The following SYN3 variants were observed in gnomAD, a reference collection of about 807,000 sequenced individuals.
The protein encoded by SYN3 is synapsin-3.
Under a neutral mutation model 65.8 loss-of-function variants are expected in SYN3, and 35 were observed. The ratio of observed to expected loss-of-function variants is 0.53; its 90% CI spans 0.41 to 0.70. The LOEUF is 0.70. Ranked by LOEUF, SYN3 falls within the 30% of genes least tolerant of loss-of-function variation. The pLI, the probability that SYN3 is intolerant of heterozygous loss-of-function variation, is 0.00. For missense variants in SYN3, 680 were observed against 749.0 expected (o/e 0.91, Z 1.08); for synonymous variants, 270 against 292.9 (o/e 0.92, Z 0.80).
intron 6 of SYN3, among the ~76,000 whole-genome samples, chr22:32,796,109 A>C (rs2046422529): frequency 6.6e-6 from 1 of 152,254 alleles, no homozygotes; most frequent in Non-Finnish European, 1.5e-5. Flanking sequence ...CACGGGCATA[A>C]GGAAGACATT....
chr22:32,721,208 G>C (rs906356835), intron 6 of SYN3, among the ~76,000 whole-genome samples: 1 of 152,202 alleles, frequency 6.6e-6, no homozygotes, highest in Non-Finnish European at 1.5e-5. Context: ...TGGAGCTCCC[G>C]GTGGTGGGCA....
intron 7 of SYN3, among the ~76,000 whole-genome samples, chr22:32,592,676 T>C (rs1490398678): frequency 6.6e-6 from 1 of 152,192 alleles, no homozygotes; most frequent in Non-Finnish European, 1.5e-5. Context: ...GGCCATGCAC[T>C]TTTCTTTCTA....
At chr22:32,567,351 TC>T (rs2058686902) in intron 7 of SYN3, among the ~76,000 whole-genome samples, 2 of 36,036 alleles carry the variant, frequency 5.6e-5, no homozygotes, top group African/African-American at 1.0e-4. Context: ...CCTCCCTCCC[TC>T]CCTTCTTTCC....
intron 6 of SYN3, among the ~76,000 whole-genome samples, chr22:32,762,562 T>G (rs1318536667): frequency 6.6e-6 from 1 of 152,238 alleles, no homozygotes; most frequent in East Asian, 1.9e-4. Flanking sequence ...TATTTCAGCT[T>G]TGGTGTATTA....
intron 3 of SYN3, among the ~76,000 whole-genome samples, chr22:32,951,398 C>G (rs945064593): frequency 6.6e-6 from 1 of 152,208 alleles, no homozygotes. Context: ...AATTTCCTTG[C>G]TTATTCTTCC....
intron 6 of SYN3, among the ~76,000 whole-genome samples, chr22:32,606,659 C>T (rs907678191): frequency 6.6e-6 from 1 of 152,134 alleles, no homozygotes; most frequent in African/African-American, 2.4e-5. Flanking sequence ...CCTCTCTGGC[C>T]CAGGCTCAGT....
intron 12 of SYN3, among the ~76,000 whole-genome samples, chr22:32,523,074 G>A (rs2057914188): frequency 6.6e-6 from 1 of 152,216 alleles, no homozygotes; most frequent in Middle Eastern, 3.2e-3. Flanking sequence ...CTCATGTGGT[G>A]TCTGTGCCTC....
At chr22:32,747,712 C>T (rs1431694843) in intron 6 of SYN3, among the ~76,000 whole-genome samples, 1 of 152,188 alleles carries the variant, frequency 6.6e-6, no homozygotes, top group Non-Finnish European at 1.5e-5. Context: ...TAATTCTTTA[C>T]ACCAAAGCAA....
At chr22:32,556,684 C>G (rs2146328161) in intron 7 of SYN3, among the ~76,000 whole-genome samples, 1 of 152,078 alleles carries the variant, frequency 6.6e-6, no homozygotes, top group South Asian at 2.1e-4. Flanking sequence ...GGGAAAAAAG[C>G]CTGACTGCTC....
intron 6 of SYN3, among the ~76,000 whole-genome samples, chr22:32,627,785 C>A (rs547367595): frequency 6.6e-6 from 1 of 152,164 alleles, no homozygotes; most frequent in South Asian, 2.1e-4. Context: ...CTTGAAGAAG[C>A]TCCACCTGTA....
intron 4 of SYN3, among the ~76,000 whole-genome samples, chr22:32,879,223 A>C (rs954285566): frequency 6.6e-6 from 1 of 152,194 alleles, no homozygotes; most frequent in African/African-American, 2.4e-5. Flanking sequence ...CAGGGAGGTA[A>C]AGTTTCATGG....
At chr22:32,604,610 G>A (rs1361316208) in intron 6 of SYN3, among the ~76,000 whole-genome samples, 1 of 114,488 alleles carries the variant, frequency 8.7e-6, no homozygotes, top group Non-Finnish European at 1.8e-5. Flanking sequence ...TTCTGTCCCT[G>A]AAAAGCCCTC....
chr22:32,926,306 T>G (rs958743563), intron 4 of SYN3, among the ~76,000 whole-genome samples: 2 of 152,212 alleles, frequency 1.3e-5, no homozygotes, highest in Admixed American at 6.5e-5. Context: ...GTGTGCAAAA[T>G]GAGGGTGCTA....
intron 4 of SYN3, among the ~76,000 whole-genome samples, chr22:32,871,544 C>T (rs975450094): frequency 2.6e-5 from 4 of 152,184 alleles, no homozygotes; most frequent in Non-Finnish European, 5.9e-5. Flanking sequence ...TCCCTAGTGC[C>T]TTATCGTGGC....
At chr22:32,662,917 A>G (rs2060235626) in intron 6 of SYN3, among the ~76,000 whole-genome samples, 1 of 152,212 alleles carries the variant, frequency 6.6e-6, no homozygotes, top group Admixed American at 6.5e-5. Context: ...GAAGACAATC[A>G]CTTTCTGAGA....
chr22:32,664,615 G>C (rs2060263759), intron 6 of SYN3, among the ~76,000 whole-genome samples: 1 of 75,684 alleles, frequency 1.3e-5, no homozygotes, highest in South Asian at 4.3e-4. Context: ...TTTTTTGACA[G>C]AGTCTCGCTC....
intron 2 of SYN3, among the ~76,000 whole-genome samples, chr22:32,986,289 C>CA (rs1185859708): frequency 1.3e-5 from 2 of 152,176 alleles, no homozygotes; most frequent in Non-Finnish European, 2.9e-5. Flanking sequence ...CCAACCTTCG[C>CA]AACTGGCATT....
intron 6 of SYN3, among the ~76,000 whole-genome samples, chr22:32,852,973 G>C (rs1212843303): frequency 6.6e-6 from 1 of 152,188 alleles, no homozygotes; most frequent in African/African-American, 2.4e-5. Flanking sequence ...CAGAACGTGG[G>C]GGACATTATG....
At chr22:32,570,018 C>T (rs540129531) in intron 7 of SYN3, among the ~76,000 whole-genome samples, 1 of 152,360 alleles carries the variant, frequency 6.6e-6, no homozygotes, top group East Asian at 1.9e-4. Context: ...GGCATGGACA[C>T]CCCTCTCCCA....
Sources: allele counts gnomAD v4.1 joint callset (sites outside exome capture counted in the v4.1 genomes callset), GRCh38; gene constraint gnomAD v4.1.1; transcripts MANE v1.5; gene names NCBI Gene and HGNC (gene_info 2026-07-23, HGNC 2026-07-21).